Variants in SMAD3 observed in about 807,000 individuals in gnomAD.
The protein encoded by SMAD3 is SMAD family member 3.
A neutral mutation model predicts 51.8 loss-of-function variants in SMAD3; 12 were observed. The observed-to-expected ratio is 0.23, with a 90% CI of 0.15 to 0.38. The LOEUF is 0.38. Among genes scored for constraint, SMAD3 ranks in the 10% least tolerant of loss-of-function variants. The pLI, the probability that SMAD3 is intolerant of heterozygous loss-of-function variation, is 1.00. For synonymous variants in SMAD3, 238 were observed against 227.7 expected, an observed-to-expected ratio of 1.05 and a Z score of -0.41; for missense variants, 294 against 565.6, an observed-to-expected ratio of 0.52 and a Z score of 4.87.
chr15:67,139,722 G>C (rs1961766819), intron 1 of SMAD3, among the ~76,000 whole-genome samples: 1 of 152,128 alleles, frequency 6.6e-6, no homozygotes, highest in Admixed American at 6.6e-5. Context: ...AAAAATGCTG[G>C]GTAAGTAGAA....
intron 5 of SMAD3, among the ~76,000 whole-genome samples, chr15:67,178,770 G>A (rs572426087): frequency 8.5e-5 from 13 of 152,196 alleles, no homozygotes; most frequent in African/African-American, 2.9e-4. Context: ...GAAGCATCAA[G>A]CAAAGCCAGA....
At chr15:67,082,683 A>C (rs1366022354) in intron 1 of SMAD3, among the ~76,000 whole-genome samples, 1 of 152,242 alleles carries the variant, frequency 6.6e-6, no homozygotes, top group African/African-American at 2.4e-5. Flanking sequence ...AACTTTCTGC[A>C]GATAGGGAAT....
intron 1 of SMAD3, among the ~76,000 whole-genome samples, chr15:67,110,092 A>G (rs1276303714): frequency 6.6e-6 from 1 of 152,186 alleles, no homozygotes; most frequent in African/African-American, 2.4e-5. Context: ...GGATAGGGTG[A>G]CTGTGCTTGC....
At chr15:67,166,288 C>A in intron 3 of SMAD3, 1 of 522,414 alleles carries the variant, frequency 1.9e-6, no homozygotes, top group Non-Finnish European at 2.6e-6. Flanking sequence ...ACTGTCTTTG[C>A]CGTCATTGAA....
At chr15:67,104,351 G>A (rs1199538466) in intron 1 of SMAD3, among the ~76,000 whole-genome samples, 1 of 152,180 alleles carries the variant, frequency 6.6e-6, no homozygotes, top group African/African-American at 2.4e-5. Context: ...AGGTTTGATC[G>A]GGGAAGAGAC....
intron 1 of SMAD3, among the ~76,000 whole-genome samples, chr15:67,106,598 A>G (rs1306656588): frequency 2.0e-5 from 3 of 152,092 alleles, no homozygotes; most frequent in Non-Finnish European, 4.4e-5. Context: ...GTCAGGGGCC[A>G]TTTCTTTTGT....
intron 1 of SMAD3, among the ~76,000 whole-genome samples, chr15:67,135,174 A>T (rs747507460): frequency 2.6e-5 from 4 of 152,178 alleles, no homozygotes; most frequent in African/African-American, 9.7e-5. Flanking sequence ...GGGGTCAGCA[A>T]TCTGGGTTCT....
intron 1 of SMAD3, among the ~76,000 whole-genome samples, chr15:67,076,183 G>A (rs1289466531): frequency 1.3e-5 from 2 of 152,140 alleles, no homozygotes; most frequent in African/African-American, 4.8e-5. Flanking sequence ...GCCACTTGTT[G>A]ATGTAAGGCT....
chr15:67,190,266 C>T (rs1963325866), intron 8 of SMAD3, 147 bp from the exon 9 acceptor site: 1 of 723,718 alleles, frequency 1.4e-6, no homozygotes, highest in South Asian at 1.8e-5. Flanking sequence ...GTAGTTTCAG[C>T]AAGTTACTGG....
intron 1 of SMAD3, among the ~76,000 whole-genome samples, chr15:67,140,024 A>T (rs1961776111): frequency 1.3e-5 from 2 of 152,132 alleles, no homozygotes; most frequent in Non-Finnish European, 2.9e-5. Flanking sequence ...TGGGAGGCTG[A>T]GGCAGGAGAG....
chr15:67,142,921 C>G, intron 1 of SMAD3: 1 of 425,760 alleles, frequency 2.3e-6, no homozygotes, highest in African/African-American at 2.0e-5. Flanking sequence ...TCGGCTCACT[C>G]CTGGGTTGGA....
intron 1 of SMAD3, among the ~76,000 whole-genome samples, chr15:67,076,987 G>C (rs1384651076): frequency 2.6e-5 from 4 of 152,168 alleles, no homozygotes; most frequent in Non-Finnish European, 5.9e-5. Context: ...AGTTATGGGT[G>C]GTGCTAGGGG....
chr15:67,191,159 G>A lies in SMAD3; in HGVS notation c.*623G>A, dbSNP rs1416225156. The A allele has an allele frequency of 4.3e-6, 1 of 234,192 alleles. No homozygotes were observed. The highest frequency in any genetic ancestry group is 8.4e-6 in the Non-Finnish European group (1 of 118,704). The allele number at this position is 234,192 out of a possible 1,614,324, so 14.5% of individuals were successfully genotyped here. On this transcript the variant is annotated 3_prime_UTR_variant, in exon 9 of 9. Coordinates refer to ENST00000327367, the MANE Select transcript of SMAD3 (RefSeq NM_005902.4). ...CCTCTCAGAACATACTGATTGGGAG[G>A]TGCGTGTTCAGCAGAACCTGCACAC...
chr15:67,113,257 T>G (rs1353403441), intron 1 of SMAD3, among the ~76,000 whole-genome samples: 1 of 136,288 alleles, frequency 7.3e-6, no homozygotes, highest in Non-Finnish European at 1.5e-5. Flanking sequence ...CGGCCAATTT[T>G]TTTTTTGTAT....
chr15:67,085,367 A>G (rs1019763384), intron 1 of SMAD3, among the ~76,000 whole-genome samples: 2 of 152,182 alleles, frequency 1.3e-5, no homozygotes, highest in East Asian at 1.9e-4. Context: ...TTCCTCTTCT[A>G]TAAACTGAAG....
chr15:67,104,411 C>G (rs1477998473), intron 1 of SMAD3, among the ~76,000 whole-genome samples: 2 of 152,220 alleles, frequency 1.3e-5, no homozygotes, highest in African/African-American at 4.8e-5. Context: ...CTAGGAAGGG[C>G]CTGCCCTCAG....
chr15:67,184,590 G>A (rs1020025078), intron 6 of SMAD3, 137 bp from the exon 7 acceptor site: 3 of 1,052,582 alleles, frequency 2.9e-6, no homozygotes, highest in Non-Finnish European at 4.3e-6. Context: ...TTGGGCTTTG[G>A]GGCCCGTTTG....
At chr15:67,091,863 G>A (rs1175934812) in intron 1 of SMAD3, among the ~76,000 whole-genome samples, 3 of 152,182 alleles carry the variant, frequency 2.0e-5, no homozygotes, top group African/African-American at 7.2e-5. Flanking sequence ...TTTAATACGG[G>A]ACCTTGGTTA....
intron 1 of SMAD3, among the ~76,000 whole-genome samples, chr15:67,157,235 T>G (rs1386593429): frequency 6.6e-6 from 1 of 152,242 alleles, no homozygotes; most frequent in Admixed American, 6.5e-5. Context: ...GTTAACAAAT[T>G]TACTCTTTGT....
Sources: allele counts gnomAD v4.1 joint callset (sites outside exome capture counted in the v4.1 genomes callset), GRCh38; gene constraint gnomAD v4.1.1; transcripts MANE v1.5; gene names NCBI Gene and HGNC (gene_info 2026-07-23, HGNC 2026-07-21).